Variants in GRK5 observed in about 807,000 individuals in gnomAD.
The protein encoded by GRK5 is g protein-coupled receptor kinase GRK5.
In GRK5, 40 loss-of-function variants were observed where a neutral mutation model predicts 78.4. That is an observed-to-expected ratio of 0.51 (90% confidence interval 0.40 to 0.66). The LOEUF is 0.66. Ranked by LOEUF, GRK5 falls within the 30% of genes least tolerant of loss-of-function variation. The pLI is 0.00. For synonymous variants in GRK5, 289 were observed against 296.8 expected (o/e 0.97, Z 0.27); for missense variants, 598 against 759.9 (o/e 0.79, Z 2.50).
chr10:119,292,861 T>C (rs1850008892), intron 1 of GRK5, among the ~76,000 whole-genome samples: 1 of 152,214 alleles, frequency 6.6e-6, no homozygotes, highest in Non-Finnish European at 1.5e-5. Flanking sequence ...TTTTTTTTTT[T>C]TCTGAATGTT....
At chr10:119,261,744 C>G (rs897461230) in intron 1 of GRK5, among the ~76,000 whole-genome samples, 2 of 152,254 alleles carry the variant, frequency 1.3e-5, no homozygotes, top group Non-Finnish European at 2.9e-5. Flanking sequence ...CAAAAAAATA[C>G]AAAAACCAGT....
At chr10:119,393,019 G>A (rs770529289) in intron 3 of GRK5, among the ~76,000 whole-genome samples, 7 of 152,240 alleles carry the variant, frequency 4.6e-5, no homozygotes, top group Non-Finnish European at 7.3e-5. Flanking sequence ...GGCCCCAGCC[G>A]TGTGGAGTGT....
At chr10:119,394,182 GTGTC>G (rs1198863055) in intron 3 of GRK5, among the ~76,000 whole-genome samples, 2 of 150,204 alleles carry the variant, frequency 1.3e-5, no homozygotes, top group African/African-American at 4.9e-5. Context: ...GTGTGTGTGG[GTGTC>G]TGTGTATGGG....
intron 1 of GRK5, among the ~76,000 whole-genome samples, chr10:119,289,836 G>T (rs762957189): frequency 6.6e-6 from 1 of 152,198 alleles, no homozygotes; most frequent in Admixed American, 6.5e-5. Context: ...TCCTATCAGG[G>T]TTAGGGAGGT....
intron 2 of GRK5, among the ~76,000 whole-genome samples, chr10:119,372,418 G>A (rs984330866): frequency 6.6e-5 from 10 of 152,244 alleles, no homozygotes; most frequent in African/African-American, 2.4e-4. Flanking sequence ...TGTCCTGACA[G>A]TGTAGCACTT....
At chr10:119,453,356 C>CA in intron 15 of GRK5, 80 bp downstream of exon 15, 1 of 1,519,724 alleles carries the variant, frequency 6.6e-7, no homozygotes, top group Non-Finnish European at 9.0e-7. Context: ...AGAAGACCCA[C>CA]AGTAGAGACC....
intron 1 of GRK5, among the ~76,000 whole-genome samples, chr10:119,210,252 G>A (rs1441048731): frequency 6.6e-6 from 1 of 152,176 alleles, no homozygotes; most frequent in Non-Finnish European, 1.5e-5. Context: ...GAGGGCCTGC[G>A]GAAGCAGGGA....
chr10:119,410,351 C>T (rs1852316134), intron 4 of GRK5, among the ~76,000 whole-genome samples: 1 of 152,188 alleles, frequency 6.6e-6, no homozygotes, highest in Non-Finnish European at 1.5e-5. Context: ...CGCACTTCTT[C>T]CTTATTTCTG....
chr10:119,442,898 GTGGATGGATGGT>G (rs1042667773), intron 11 of GRK5, among the ~76,000 whole-genome samples: 6 of 152,126 alleles, frequency 3.9e-5, no homozygotes, highest in South Asian at 2.1e-4. Flanking sequence ...GGGTGGGCGG[GTGGATGGATGGT>G]TGGATGGATG....
intron 1 of GRK5, among the ~76,000 whole-genome samples, chr10:119,223,239 C>G (rs1848685097): frequency 6.6e-6 from 1 of 152,184 alleles, no homozygotes; most frequent in Non-Finnish European, 1.5e-5. Context: ...TGTATAAGGA[C>G]ACCAGTGCTA....
At chr10:119,344,421 C>T (rs1170431107) in intron 2 of GRK5, among the ~76,000 whole-genome samples, 1 of 152,136 alleles carries the variant, frequency 6.6e-6, no homozygotes, top group African/African-American at 2.4e-5. Flanking sequence ...TGAGTGAGAA[C>T]ATGCGGTGTT....
chr10:119,323,383 A>G (rs1850618730), intron 1 of GRK5, among the ~76,000 whole-genome samples: 1 of 152,120 alleles, frequency 6.6e-6, no homozygotes, highest in Non-Finnish European at 1.5e-5. Flanking sequence ...GTGCGAGAGG[A>G]ATGGGGAGCA....
At chr10:119,219,549 C>T (rs1237398186) in intron 1 of GRK5, among the ~76,000 whole-genome samples, 1 of 151,936 alleles carries the variant, frequency 6.6e-6, no homozygotes, top group African/African-American at 2.4e-5. Flanking sequence ...AGAAGAGAGC[C>T]GAGAAAGTGA....
At chr10:119,440,495 A>G (rs527827070) in intron 10 of GRK5, among the ~76,000 whole-genome samples, 2 of 151,858 alleles carry the variant, frequency 1.3e-5, no homozygotes, top group South Asian at 4.2e-4. Flanking sequence ...CTCCTGCCTC[A>G]GCCTCCCAAG....
Position 119,333,769 on chromosome 10 carries a change from G to C in GRK5, c.148+7158G>C, listed in dbSNP as rs747198081. The C allele has an allele frequency of 3.9e-5, 21 of 532,692 alleles. No individual in the cohort carries two copies. The East Asian group carries it at 1.1e-3, about 28-fold the overall frequency. The allele number at this position is 532,692 out of a possible 1,614,324, so 33.0% of individuals were successfully genotyped here. A position where few individuals can be genotyped will look rare whatever the true frequency, so the allele number is the denominator to read the frequency against. The stretch of plus-strand genomic sequence containing the variant: ...CACTGAAAACATGCTGTCCACGGGG[G>C]AGCTGAGCGGATCGCTGATCTCCTG... On this transcript the variant is annotated intron_variant, in intron 2 of 15. Transcript: ENST00000392870.
chr10:119,417,031 C>G (rs4752304), intron 4 of GRK5, among the ~76,000 whole-genome samples: 2 of 152,026 alleles, frequency 1.3e-5, no homozygotes, highest in Non-Finnish European at 2.9e-5. Context: ...GCTGGCAGGC[C>G]GTTGGGGTGA....
intron 13 of GRK5, among the ~76,000 whole-genome samples, chr10:119,451,753 A>G (rs1853292589): frequency 6.6e-6 from 1 of 152,222 alleles, no homozygotes; most frequent in East Asian, 1.9e-4. Flanking sequence ...ACTGGAGGGG[A>G]GAGTCCCAGA....
Position 119,297,456 on chromosome 10 carries a change from G to T in GRK5, c.53-29060G>T, listed in dbSNP as rs186407032. On this transcript the variant is annotated intron_variant, in intron 1 of 15. Coordinates refer to ENST00000392870, the MANE Select transcript of GRK5 (RefSeq NM_005308.3). ...TGTCTCTCCCATCCTCCACCAGGCT[G>T]CTCTGGCAAAGGACTTTGCTATGGT... 6.5e-3 allele frequency among the ~76,000 whole-genome samples: 984 copies of T among 152,292 alleles called. 9 individuals carry two copies. Among genetic ancestry groups the T allele is most frequent in the Non-Finnish European group, 9.5e-3 (645 of 68,026 alleles).
chr10:119,262,400 G>A (rs557967389), intron 1 of GRK5, among the ~76,000 whole-genome samples: 6 of 136,092 alleles, frequency 4.4e-5, no homozygotes, highest in South Asian at 4.7e-4. Flanking sequence ...GTGCAGTGGC[G>A]TGATCTCGGC....
Sources: allele counts gnomAD v4.1 joint callset (sites outside exome capture counted in the v4.1 genomes callset), GRCh38; gene constraint gnomAD v4.1.1; transcripts MANE v1.5; gene names NCBI Gene and HGNC (gene_info 2026-07-23, HGNC 2026-07-21).